Variants in FGF14 observed in about 807,000 individuals in gnomAD.
The protein encoded by FGF14 is fibroblast growth factor 14, also known as fibroblast growth factor homologous factor 4.
A neutral mutation model predicts 25.5 loss-of-function variants in FGF14; 5 were observed. That is an observed-to-expected ratio of 0.20 (90% CI 0.10 to 0.41). FGF14 has a LOEUF of 0.41. Ranked by LOEUF, FGF14 falls within the 10% of genes least tolerant of loss-of-function variation. The pLI is 1.00. For synonymous variants in FGF14, 138 were observed against 118.3 expected, an observed-to-expected ratio of 1.17 and a Z score of -1.08; for missense variants, 222 against 320.1, an observed-to-expected ratio of 0.69 and a Z score of 2.34.
chr13:102,039,571 C>T (rs911921668), intron 1 of FGF14, among the ~76,000 whole-genome samples: 8 of 152,118 alleles, frequency 5.3e-5, no homozygotes, highest in African/African-American at 1.7e-4. Flanking sequence ...CCTGTCTCTG[C>T]CTCTGTCATC....
chr13:101,837,056 G>A (rs974367867), intron 3 of FGF14, among the ~76,000 whole-genome samples: 36 of 152,010 alleles, frequency 2.4e-4, no homozygotes, highest in African/African-American at 8.0e-4. Flanking sequence ...GCTAAACTAC[G>A]TGAAGAATAA....
intron 3 of FGF14, among the ~76,000 whole-genome samples, chr13:101,771,025 T>C (rs1201641626): frequency 1.3e-5 from 2 of 152,184 alleles, no homozygotes; most frequent in Non-Finnish European, 2.9e-5. Context: ...ATTAAAACTG[T>C]GTGAATATTT....
intron 3 of FGF14, among the ~76,000 whole-genome samples, chr13:101,750,349 C>G (rs1317527038): frequency 6.6e-6 from 1 of 151,972 alleles, no homozygotes; most frequent in Non-Finnish European, 1.5e-5. Context: ...CTATATTTCA[C>G]TATACATACA....
At chr13:102,032,008 A>G (rs574455197) in intron 1 of FGF14, among the ~76,000 whole-genome samples, 17 of 152,218 alleles carry the variant, frequency 1.1e-4, no homozygotes, top group African/African-American at 3.8e-4. Flanking sequence ...CATAAAAATG[A>G]TGAGGGGATG....
At chr13:102,100,708 C>T (rs1166985288) in intron 1 of FGF14, among the ~76,000 whole-genome samples, 1 of 152,246 alleles carries the variant, frequency 6.6e-6, no homozygotes, top group African/African-American at 2.4e-5. Context: ...AGCCACTATA[C>T]TGGATACCTT....
intron 1 of FGF14, among the ~76,000 whole-genome samples, chr13:101,987,497 C>T (rs577064558): frequency 1.3e-5 from 2 of 152,082 alleles, no homozygotes; most frequent in Non-Finnish European, 2.9e-5. Context: ...CTTCCCTGCC[C>T]TTTTTTCTAA....
intron 1 of FGF14, among the ~76,000 whole-genome samples, chr13:102,056,199 G>T (rs915033022): frequency 2.6e-5 from 4 of 152,152 alleles, no homozygotes; most frequent in African/African-American, 9.7e-5. Context: ...TTGGGTATTT[G>T]TTACAAATGG....
intron 1 of FGF14, among the ~76,000 whole-genome samples, chr13:101,954,161 T>C (rs1254817900): frequency 6.6e-6 from 1 of 152,110 alleles, no homozygotes; most frequent in Non-Finnish European, 1.5e-5. Context: ...CCCATAGAAC[T>C]AAATGCGTCA....
At chr13:102,268,717 A>T (rs1322286294) in intron 1 of FGF14, among the ~76,000 whole-genome samples, 1 of 152,148 alleles carries the variant, frequency 6.6e-6, no homozygotes, top group Non-Finnish European at 1.5e-5. Context: ...GTTACCTGGA[A>T]ATTTCTAGTC....
intron 1 of FGF14, among the ~76,000 whole-genome samples, chr13:101,934,738 A>AGAG (rs2034989109): frequency 6.6e-6 from 1 of 152,154 alleles, no homozygotes; most frequent in African/African-American, 2.4e-5. Flanking sequence ...CCCTCACTCT[A>AGAG]CACTGCCATT....
rs1566763509 is a variant in FGF14 at position 102,161,564 on chromosome 13, GTGAAGAAAGAAAGAAGAAGAAGAAGA to G, written c.208+239881_208+239906del. 9.8e-3 allele frequency among the ~76,000 whole-genome samples: 85 copies of G among 8,696 alleles called. 3 individuals are homozygous for G. The highest frequency in any genetic ancestry group is 0.013 in the South Asian group (2 of 156). The allele number at this position is 8,696 out of a possible 152,430, so 5.7% of individuals were successfully genotyped here. A position where few individuals can be genotyped will look rare whatever the true frequency, so the allele number is the denominator to read the frequency against. ...ATATTCTCTATGCAACCAACTTTCT[GTGAAGAAAGAAAGAAGAAGAAGAAGA>G]AGAAGAAGAAGAAGAAGAAGAAGAA... On this transcript the variant is annotated intron_variant, in intron 1 of 4. Transcript: ENST00000376131.
At chr13:102,269,883 G>A (rs1013192400) in intron 1 of FGF14, among the ~76,000 whole-genome samples, 1 of 152,112 alleles carries the variant, frequency 6.6e-6, no homozygotes, top group Admixed American at 6.6e-5. Flanking sequence ...CCATCTGTTT[G>A]GAAGGCCTGG....
intron 1 of FGF14, among the ~76,000 whole-genome samples, chr13:102,120,555 C>T (rs2140360390): frequency 6.6e-6 from 1 of 152,300 alleles, no homozygotes; most frequent in East Asian, 1.9e-4. Context: ...TGTGTGTCCC[C>T]AGCTGCTCTG....
intron 1 of FGF14, among the ~76,000 whole-genome samples, chr13:102,266,033 A>G (rs1308229505): frequency 6.6e-6 from 1 of 152,158 alleles, no homozygotes; most frequent in Non-Finnish European, 1.5e-5. Flanking sequence ...AAGACTAAGA[A>G]GACTATTGCA....
chr13:101,842,505 T>C (rs955818881), intron 3 of FGF14, among the ~76,000 whole-genome samples: 4 of 151,946 alleles, frequency 2.6e-5, no homozygotes, highest in African/African-American at 2.4e-5. Context: ...AGGAAGAGGA[T>C]TGGTGAATAC....
chr13:101,763,870 A>G (rs2038213155), intron 3 of FGF14, among the ~76,000 whole-genome samples: 2 of 151,894 alleles, frequency 1.3e-5, no homozygotes, highest in Admixed American at 6.6e-5. Flanking sequence ...CAAAAAACAA[A>G]CAAACAAACA....
At chr13:102,007,335 T>C (rs1278373722) in intron 1 of FGF14, among the ~76,000 whole-genome samples, 1 of 152,224 alleles carries the variant, frequency 6.6e-6, no homozygotes, top group African/African-American at 2.4e-5. Context: ...AGTGTATGTG[T>C]TCAAGTATTA....
chr13:102,171,357 G>A (rs1421678725), intron 1 of FGF14, among the ~76,000 whole-genome samples: 1 of 152,118 alleles, frequency 6.6e-6, no homozygotes, highest in Non-Finnish European at 1.5e-5. Flanking sequence ...TCATAATAAT[G>A]TCTTCAAAAA....
chr13:101,947,416 A>G (rs1269526586), intron 1 of FGF14, among the ~76,000 whole-genome samples: 3 of 151,878 alleles, frequency 2.0e-5, no homozygotes, highest in African/African-American at 7.3e-5. Flanking sequence ...ACAGTAGCAA[A>G]GACATGGAAT....
Sources: gnomAD v4.1 joint callset for allele counts (sites outside exome capture counted in the v4.1 genomes callset) on GRCh38, gnomAD v4.1.1 for gene constraint, MANE v1.5 for transcripts, NCBI Gene and HGNC (gene_info 2026-07-23, HGNC 2026-07-21) for gene names.